The following ZC3H14 variants were observed in gnomAD, a reference collection of about 807,000 sequenced individuals.
ZC3H14 encodes zinc finger CCCH domain-containing protein 14.
Under a neutral mutation model 92.4 loss-of-function variants are expected in ZC3H14, and 31 were observed. The ratio of observed to expected loss-of-function variants is 0.34; its 90% confidence interval spans 0.25 to 0.45. ZC3H14 has a LOEUF of 0.45. Ranked by LOEUF, ZC3H14 falls within the 20% of genes least tolerant of loss-of-function variation. The pLI is 1.00. For missense variants in ZC3H14, 781 were observed against 897.3 expected (o/e 0.87, Z 1.66); for synonymous variants, 321 against 300.9 (o/e 1.07, Z -0.69).
At chr14:88,595,700 GT>G (rs1035802808) in intron 9 of ZC3H14, among the ~76,000 whole-genome samples, 81 of 152,304 alleles carry the variant, frequency 5.3e-4, no homozygotes, top group African/African-American at 1.8e-3. Context: ...TCGAGTATAG[GT>G]TTTAAAATTT....
intron 8 of ZC3H14, among the ~76,000 whole-genome samples, chr14:88,577,233 A>G (rs897500729): frequency 1.3e-5 from 2 of 152,220 alleles, no homozygotes; most frequent in Non-Finnish European, 2.9e-5. Flanking sequence ...ACCTAATGAT[A>G]TATCTACATT....
intron 16 of ZC3H14, among the ~76,000 whole-genome samples, chr14:88,611,510 G>A (rs2052987): frequency 0.94 from 143,293 of 152,260 alleles, 67,868 homozygotes; most frequent in Non-Finnish European, 1. Context: ...GCAACTGGGA[G>A]ATACTGAAAG....
At position 88,616,008 on chromosome 14, in the gene ZC3H14, A is replaced by G; in HGVS notation, c.*4257A>G. 1 of 1,271,166 alleles carries G rather than the reference A, an allele frequency of 7.9e-7. No homozygotes were observed. The highest frequency in any genetic ancestry group is 1.1e-6 in the Non-Finnish European group (1 of 898,190). The allele number at this position is 1,271,166 out of a possible 1,614,324, so 78.7% of individuals were successfully genotyped here. ...TATTTGCATAAATATGAGATTCTGA[A>G]GAGCCATCTGGTTATACTACCTTCT... On this transcript the variant is annotated 3_prime_UTR_variant, in exon 17 of 17. Transcript: ENST00000251038.
chr14:88,578,197 T>C (rs2081412306), intron 9 of ZC3H14, 57 bp downstream of exon 9: 1 of 1,584,942 alleles, frequency 6.3e-7, no homozygotes, highest in Non-Finnish European at 8.7e-7. Flanking sequence ...AGGCATTGAA[T>C]ATTTTCCAAT....
rs552241523 is a variant in ZC3H14 at position 88,583,597 on chromosome 14, A to G, written c.1279+5457A>G. Reference sequence around the variant, plus strand: ...TCATCATTGAAAGTGTGTTTTCTATACAGTATTTGGAAGTGGTATGTGTTT... The same window carrying G: ...TCATCATTGAAAGTGTGTTTTCTATGCAGTATTTGGAAGTGGTATGTGTTT... On this transcript the variant is annotated intron_variant, in intron 9 of 16. Transcript: ENST00000251038. 7.9e-4 allele frequency among the ~76,000 whole-genome samples: 120 copies of G among 152,288 alleles called. 1 individual carries two copies. The highest frequency in any genetic ancestry group is 2.8e-3 in the African/African-American group (117 of 41,576).
intron 9 of ZC3H14, among the ~76,000 whole-genome samples, chr14:88,584,809 G>A (rs1340442108): frequency 6.6e-6 from 1 of 152,174 alleles, no homozygotes; most frequent in East Asian, 1.9e-4. Flanking sequence ...TGGTGATGCT[G>A]GACATGCTCC....
chr14:88,594,441 T>C (rs1453592790), intron 9 of ZC3H14: 3 of 1,241,192 alleles, frequency 2.4e-6, no homozygotes, highest in Non-Finnish European at 3.0e-6. Context: ...ACTTAGAGGA[T>C]GTAGGGCCCT....
At position 88,574,789 on chromosome 14, in the gene ZC3H14, G is replaced by C. The variant is rs562604798; in HGVS notation, c.958G>C (p.Asp320His). The C allele has an allele frequency of 5.6e-6, 9 of 1,614,206 alleles. No individual in the cohort carries two copies. The highest frequency in any genetic ancestry group is 3.3e-5 in the Admixed American group (2 of 60,028). The change falls in exon 7 of 17, where the codon GAT becomes CAT. Residue 320 changes from aspartate (D) to histidine (H), a missense_variant. Asp to His is a moderately conservative substitution (Grantham distance 81). Coordinates refer to ENST00000251038, the MANE Select transcript of ZC3H14 (RefSeq NM_024824.5). ...TGGAGAAGAGGAGGAAGAAGATGATGATTACGGGTCTCGAACAGGAAGCAT... is the reference window on the plus strand; with the variant it reads ...TGGAGAAGAGGAGGAAGAAGATGATCATTACGGGTCTCGAACAGGAAGCAT... ...HDGEEEEEDDDYGSRTGSISS... is the reference protein window; with the variant it reads ...HDGEEEEEDDHYGSRTGSISS...
intron 12 of ZC3H14, among the ~76,000 whole-genome samples, chr14:88,606,859 C>T (rs1272989300): frequency 7.2e-5 from 11 of 151,764 alleles, no homozygotes; most frequent in South Asian, 2.1e-4. Context: ...ATCTTGCTGG[C>T]GTGTGAGGAT....
chr14:88,563,084 C>G lies in ZC3H14; in HGVS notation c.-50C>G. On this transcript the variant is annotated 5_prime_UTR_variant, in exon 1 of 17. Transcript: ENST00000251038. ...CGGGGTAGGAGTCCGCGGCAGCCTCCGGGTAAGCCAAGCGCCGCGCAGTGC... is the reference window on the plus strand; with the variant it reads ...CGGGGTAGGAGTCCGCGGCAGCCTCGGGGTAAGCCAAGCGCCGCGCAGTGC... 1.3e-6 allele frequency: 2 copies of G among 1,555,502 alleles called. No homozygotes were observed. Among genetic ancestry groups the G allele is most frequent in the Non-Finnish European group, 1.7e-6 (2 of 1,157,512 alleles).
chr14:88,595,146 C>T (rs2083642808), intron 9 of ZC3H14: 4 of 1,600,192 alleles, frequency 2.5e-6, no homozygotes, highest in Non-Finnish European at 3.4e-6. Flanking sequence ...TCTAGGTACC[C>T]ATCCTTTGAT....
chr14:88,594,981 G>A, intron 9 of ZC3H14: 2 of 1,613,862 alleles, frequency 1.2e-6, no homozygotes, highest in Non-Finnish European at 1.7e-6. Context: ...CATCTTTGGA[G>A]GTTAAAATGA....
chr14:88,616,491 T>C lies in ZC3H14; in HGVS notation c.*4740T>C. 3.3e-6 allele frequency: 2 copies of C among 604,528 alleles called. No homozygotes were observed. The highest frequency in any genetic ancestry group is 4.5e-5 in the South Asian group (2 of 44,392). The allele number at this position is 604,528 out of a possible 1,614,324, so 37.4% of individuals were successfully genotyped here. ...AAGCATTTGAAATTTGATAACTGAT[T>C]ATAGGTTTGGTGAAAAGCTAATTAC... On this transcript the variant is annotated 3_prime_UTR_variant, in exon 17 of 17. Coordinates refer to ENST00000251038, the MANE Select transcript of ZC3H14 (RefSeq NM_024824.5).
intron 10 of ZC3H14, among the ~76,000 whole-genome samples, chr14:88,599,846 C>T (rs1456780550): frequency 6.6e-6 from 1 of 152,182 alleles, no homozygotes. Flanking sequence ...TGTTGGGACC[C>T]ACCTTTGACA....
chr14:88,620,467 A>G lies in ZC3H14; in HGVS notation c.*8716A>G. ...GATAGCTCTCTTGTATTACAGTGGGAGATACCTCTTGGTGGGATGAACTTA... is the reference window on the plus strand; with the variant it reads ...GATAGCTCTCTTGTATTACAGTGGGGGATACCTCTTGGTGGGATGAACTTA... On this transcript the variant is annotated 3_prime_UTR_variant, in exon 17 of 17. Transcript: ENST00000251038. This position sits in a 1 kb window ranked among gnomAD's most constrained non-coding sequence, Gnocchi z 4.3. The G allele has an allele frequency of 3.8e-6, 1 of 260,614 alleles. No homozygotes were observed. The highest frequency in any genetic ancestry group is 7.2e-6 in the Non-Finnish European group (1 of 139,762). The allele number at this position is 260,614 out of a possible 1,614,324, so 16.1% of individuals were successfully genotyped here.
At chr14:88,580,196 C>T (rs1265187585) in intron 9 of ZC3H14, among the ~76,000 whole-genome samples, 3 of 150,642 alleles carry the variant, frequency 2.0e-5, no homozygotes, top group Non-Finnish European at 4.4e-5. Context: ...CATTGCCCTC[C>T]AGGGAGGCTG....
At position 88,575,952 on chromosome 14, in the gene ZC3H14, G is replaced by A. The variant is rs372656199; in HGVS notation, c.1123+12G>A. 2.0e-5 allele frequency: 31 copies of A among 1,582,098 alleles called. No individual in the cohort carries two copies. The African/African-American group carries it at 3.9e-4, about 20-fold the overall frequency. The stretch of plus-strand genomic sequence containing the variant: ...TAACTACTCTACAGGTAATTTAAAT[G>A]TATTATGTTTACACTTGGTAAGACA... On this transcript the variant is annotated intron_variant, in intron 8 of 16. Transcript: ENST00000251038.
intron 10 of ZC3H14, among the ~76,000 whole-genome samples, chr14:88,599,933 T>C (rs998092982): frequency 6.6e-6 from 1 of 152,138 alleles, no homozygotes; most frequent in Admixed American, 6.5e-5. Flanking sequence ...AAACCGACTT[T>C]GTAGGCTTTG....
intron 10 of ZC3H14, 64 bp from the exon 11 acceptor site, chr14:88,601,860 T>C: frequency 1.3e-6 from 2 of 1,562,598 alleles, no homozygotes; most frequent in African/African-American, 1.4e-5. Context: ...TTCTCACATA[T>C]ATAATGTTGG....
Sources: gnomAD v4.1 joint callset for allele counts (sites outside exome capture counted in the v4.1 genomes callset) on GRCh38, gnomAD v4.1.1 for gene constraint, Gnocchi (gnomAD v3.1) non-coding constraint, MANE v1.5 for transcripts, NCBI Gene and HGNC (gene_info 2026-07-23, HGNC 2026-07-21) for gene names.